HTR2C: variants seen among roughly 807,000 people sequenced by gnomAD.
The protein encoded by HTR2C is 5-hydroxytryptamine (serotonin) receptor 2C, G protein-coupled.
In HTR2C, 5 loss-of-function variants were observed where a neutral mutation model predicts 21.0. The ratio of observed to expected loss-of-function variants is 0.24; its 90% CI spans 0.12 to 0.50. The LOEUF (loss-of-function observed/expected upper bound fraction) is 0.50, where lower values mean the gene tolerates loss of function less well. Ranked by LOEUF, HTR2C falls within the 20% of genes least tolerant of loss-of-function variation. The pLI is 0.98. For missense variants in HTR2C, 271 were observed against 371.2 expected (o/e 0.73, Z 2.22); for synonymous variants, 150 against 145.3 (o/e 1.03, Z -0.23).
intron 2 of HTR2C, among the ~76,000 whole-genome samples, chrX:114,689,644 C>A (rs947557935): frequency 5.4e-5 from 6 of 110,777 alleles, no homozygotes; most frequent in African/African-American, 9.8e-5. Flanking sequence ...GCCAGACAAC[C>A]ATTTCTGTGT....
chrX:114,755,276 C>T (rs960240989), intron 4 of HTR2C, among the ~76,000 whole-genome samples: 1 of 109,912 alleles, frequency 9.1e-6, no homozygotes, highest in African/African-American at 3.3e-5. Context: ...TTTATTGTCT[C>T]CCAGTCCTGG....
Position 114,587,114 on chromosome X carries a change from G to T in HTR2C, c.-147+2455G>T, listed in dbSNP as rs1927432532. On this transcript the variant is annotated intron_variant, in intron 1 of 5. Transcript: ENST00000276198. ...GAAACGTCATCCCTCTCCAGCTAAG[G>T]GAAACACAAAAATTAAAACAAAATT... Among the ~76,000 whole-genome samples the T allele has an allele frequency of 2.7e-5, 3 of 111,367 alleles. No homozygotes were observed. In the South Asian group the frequency reaches 1.1e-3, roughly 42 times the overall value.
chrX:114,869,057 G>A (rs2071070690), intron 5 of HTR2C, among the ~76,000 whole-genome samples: 1 of 108,771 alleles, frequency 9.2e-6, no homozygotes, highest in African/African-American at 3.4e-5. Flanking sequence ...TGATCTCATC[G>A]TTCAATTCCC....
intron 2 of HTR2C, among the ~76,000 whole-genome samples, chrX:114,718,893 T>G (rs1933075015): frequency 9.6e-6 from 1 of 103,694 alleles, no homozygotes; most frequent in Non-Finnish European, 1.9e-5. Context: ...ATAAGTTGGT[T>G]GTAATTATAA....
intron 4 of HTR2C, among the ~76,000 whole-genome samples, chrX:114,836,582 C>A (rs1158833598): frequency 8.9e-6 from 1 of 111,845 alleles, no homozygotes; most frequent in East Asian, 2.8e-4. Flanking sequence ...GGTGCGTGCA[C>A]CCACTGACCT....
chrX:114,810,190 CA>C (rs782291688), intron 4 of HTR2C, among the ~76,000 whole-genome samples: 2 of 111,546 alleles, frequency 1.8e-5, no homozygotes, highest in East Asian at 5.7e-4. Context: ...TTTCTCTCCT[CA>C]AGCTGAGGGA....
intron 2 of HTR2C, among the ~76,000 whole-genome samples, chrX:114,695,392 A>G (rs926362757): frequency 9.0e-5 from 10 of 111,719 alleles, no homozygotes; most frequent in African/African-American, 2.6e-4. Context: ...GACAAGAAAC[A>G]ACAAATAGGA....
chrX:114,784,341 A>G (rs1333489866), intron 4 of HTR2C, among the ~76,000 whole-genome samples: 3 of 111,909 alleles, frequency 2.7e-5, no homozygotes, highest in African/African-American at 9.7e-5. Context: ...ACAAATATCT[A>G]GACAAACATA....
At chrX:114,760,772 C>G (rs2069858697) in intron 4 of HTR2C, among the ~76,000 whole-genome samples, 1 of 111,593 alleles carries the variant, frequency 9.0e-6, no homozygotes, top group Non-Finnish European at 1.9e-5. Context: ...ATCCTCCCAC[C>G]TCGGCCTCCC....
intron 5 of HTR2C, among the ~76,000 whole-genome samples, chrX:114,895,165 A>G (rs972847459): frequency 6.2e-5 from 7 of 112,226 alleles, no homozygotes; most frequent in Admixed American, 9.5e-5. Context: ...CCCTTCTTAT[A>G]TTTTTTAAAG....
chrX:114,643,326 G>A (rs1930210113), intron 2 of HTR2C, among the ~76,000 whole-genome samples: 1 of 110,878 alleles, frequency 9.0e-6, no homozygotes, highest in South Asian at 3.8e-4. Flanking sequence ...TTGTGTCTTA[G>A]GGGAAATGGG....
chrX:114,739,100 T>A (rs2147353599), intron 4 of HTR2C, among the ~76,000 whole-genome samples: 1 of 111,238 alleles, frequency 9.0e-6, no homozygotes, highest in East Asian at 2.8e-4. Flanking sequence ...TATAGCTTTT[T>A]TGATAAAAAT....
At chrX:114,659,275 G>A (rs1259157680) in intron 2 of HTR2C, among the ~76,000 whole-genome samples, 1 of 111,234 alleles carries the variant, frequency 9.0e-6, no homozygotes, top group African/African-American at 3.3e-5. Flanking sequence ...GATTTGGGTA[G>A]GGATACAGAC....
intron 5 of HTR2C, among the ~76,000 whole-genome samples, chrX:114,892,665 TCATA>T (rs2071266917): frequency 9.1e-6 from 1 of 110,470 alleles, no homozygotes; most frequent in Non-Finnish European, 1.9e-5. Context: ...ATCTATAGTA[TCATA>T]AAAAATATAG....
chrX:114,770,043 C>T (rs782179460), intron 4 of HTR2C, among the ~76,000 whole-genome samples: 3 of 111,778 alleles, frequency 2.7e-5, no homozygotes, highest in Admixed American at 1.9e-4. Flanking sequence ...CATCCCAATG[C>T]TTTCTGGCTC....
At chrX:114,792,364 C>A (rs1448456487) in intron 4 of HTR2C, among the ~76,000 whole-genome samples, 1 of 111,066 alleles carries the variant, frequency 9.0e-6, no homozygotes, top group Non-Finnish European at 1.9e-5. Context: ...TGAGTGAAAA[C>A]GAGGTGTTTG....
chrX:114,901,763 A>T (rs1346736397), intron 5 of HTR2C, among the ~76,000 whole-genome samples: 4 of 111,832 alleles, frequency 3.6e-5, no homozygotes, highest in Admixed American at 9.6e-5. Flanking sequence ...AACATGAATT[A>T]TAACTTACCT....
intron 5 of HTR2C, among the ~76,000 whole-genome samples, chrX:114,859,266 A>G (rs147870074): frequency 1.4e-3 from 155 of 110,469 alleles, no homozygotes; most frequent in Non-Finnish European, 2.5e-3. Flanking sequence ...GAATTAATGA[A>G]TGTAGTCATT....
chrX:114,731,607 G>A lies in HTR2C; in HGVS notation c.349G>A (p.Asp117Asn), dbSNP rs1236908031. 2.6e-6 allele frequency: 3 copies of A among 1,153,575 alleles called. No individual in the cohort carries two copies. In the South Asian group the frequency reaches 5.7e-5, roughly 22 times the overall value. Residue 117 changes from aspartate (D) to asparagine (N), a missense_variant and splice_region_variant, in exon 4 of 6, where the codon GAT becomes AAT. Transcript: ENST00000276198. ...CCTGTCTCTCCTGGCAATCCTTTAT[G>A]GTAAGTACAATTTTATTCACTTTTC... ...MPLSLLAILY[D>N]YVWPLPRYLC...
Sources: gnomAD v4.1 joint callset for allele counts (sites outside exome capture counted in the v4.1 genomes callset) on GRCh38, gnomAD v4.1.1 for gene constraint, MANE v1.5 for transcripts, NCBI Gene and HGNC (gene_info 2026-07-23, HGNC 2026-07-21) for gene names.